Variants in SLCO2A1 observed in about 807,000 individuals in gnomAD.
SLCO2A1 encodes the protein matrin F/G 1.
In SLCO2A1, 60 loss-of-function variants were observed where a neutral mutation model predicts 71.7. That is an observed-to-expected ratio of 0.84 (90% confidence interval 0.68 to 1.04). SLCO2A1 has a LOEUF of 1.04. Ranked by LOEUF, SLCO2A1 falls within the 50% of genes least tolerant of loss-of-function variation. The probability of loss-of-function intolerance (pLI) is 0.00; values close to 1 mark genes in which losing one functional copy is unlikely to be tolerated. For synonymous variants in SLCO2A1, 308 were observed against 326.7 expected (o/e 0.94, Z 0.62); for missense variants, 745 against 813.4 (o/e 0.92, Z 1.02).
chr3:134,015,010 A>C (rs1015045337), intron 1 of SLCO2A1, among the ~76,000 whole-genome samples: 7 of 152,206 alleles, frequency 4.6e-5, no homozygotes, highest in Non-Finnish European at 8.8e-5. Context: ...TACCAAAAGC[A>C]AGCGTTAAAC....
intron 3 of SLCO2A1, among the ~76,000 whole-genome samples, chr3:133,957,814 G>C (rs1176556105): frequency 6.6e-6 from 1 of 152,216 alleles, no homozygotes; most frequent in Non-Finnish European, 1.5e-5. Context: ...TCTTGAGCAA[G>C]TTTCTAAATG....
At chr3:133,936,229 G>A (rs769204578) in intron 12 of SLCO2A1, among the ~76,000 whole-genome samples, 2 of 152,180 alleles carry the variant, frequency 1.3e-5, no homozygotes, top group Non-Finnish European at 2.9e-5. Flanking sequence ...CTGTGTGGCA[G>A]GAGGCTCTCC....
chr3:133,947,488 G>C, intron 8 of SLCO2A1, 43 bp from the exon 9 acceptor site: 1 of 1,541,298 alleles, frequency 6.5e-7, no homozygotes, highest in Non-Finnish European at 8.8e-7. Flanking sequence ...CACAGGCCTG[G>C]GACTGCATGT....
intron 1 of SLCO2A1, among the ~76,000 whole-genome samples, chr3:134,016,301 C>T (rs1329302403): frequency 1.3e-5 from 2 of 151,670 alleles, no homozygotes; most frequent in South Asian, 2.1e-4. Flanking sequence ...GAGACTTGTG[C>T]CTAACATATA....
At chr3:133,944,209 C>T (rs938172217) in intron 10 of SLCO2A1, among the ~76,000 whole-genome samples, 12 of 152,172 alleles carry the variant, frequency 7.9e-5, no homozygotes, top group African/African-American at 2.4e-4. Flanking sequence ...CACCCTCTCC[C>T]GGAGGCCCCT....
Position 134,029,878 on chromosome 3 carries a change from A to C in SLCO2A1, c.-76T>G. ...GGGCTGGAGCGGCCGGGCGGGTGAG[A>C]GGCGACCGCGGCGGCAGTGGCCGGA... On this transcript the variant is annotated 5_prime_UTR_variant, in exon 1 of 14. Coordinates refer to ENST00000310926, the MANE Select transcript of SLCO2A1 (RefSeq NM_005630.3). 1 of 801,616 alleles carries C rather than the reference A, an allele frequency of 1.2e-6. No homozygotes were observed. The highest frequency in any genetic ancestry group is 1.7e-6 in the Non-Finnish European group (1 of 590,848). 49.7% of individuals were successfully genotyped at this position (801,616 alleles called of 1,614,324 possible). A position where few individuals can be genotyped will look rare whatever the true frequency, so the allele number is the denominator to read the frequency against.
intron 11 of SLCO2A1, 108 bp downstream of exon 11, chr3:133,942,497 G>T: frequency 2.6e-6 from 3 of 1,174,406 alleles, no homozygotes; most frequent in East Asian, 2.6e-5. Context: ...GGACTCTGAG[G>T]GCCACAAAAG....
intron 1 of SLCO2A1, among the ~76,000 whole-genome samples, chr3:133,997,901 T>C (rs1935005425): frequency 6.6e-6 from 1 of 152,232 alleles, no homozygotes; most frequent in Non-Finnish European, 1.5e-5. Context: ...GCTTCAGTAT[T>C]CTCACATGTG....
intron 1 of SLCO2A1, among the ~76,000 whole-genome samples, chr3:133,983,748 G>A (rs1934646632): frequency 6.6e-6 from 1 of 152,240 alleles, no homozygotes; most frequent in Non-Finnish European, 1.5e-5. Context: ...CTGTACAGAA[G>A]CATCTGAAGG....
chr3:133,995,542 T>C (rs1934946720), intron 1 of SLCO2A1, among the ~76,000 whole-genome samples: 1 of 152,216 alleles, frequency 6.6e-6, no homozygotes, highest in East Asian at 1.9e-4. Context: ...GAGCTTCTAC[T>C]TATCCATCTT....
At chr3:133,935,977 C>T (rs576867128) in intron 12 of SLCO2A1, 80 bp from the exon 13 acceptor site, 19 of 1,387,982 alleles carry the variant, frequency 1.4e-5, no homozygotes, top group South Asian at 1.8e-5. Flanking sequence ...GCCAAGTCCC[C>T]GACACAGTTC....
intron 1 of SLCO2A1, among the ~76,000 whole-genome samples, chr3:134,007,366 C>T (rs897417990): frequency 1.3e-5 from 2 of 152,168 alleles, no homozygotes; most frequent in African/African-American, 4.8e-5. Context: ...CCTGTACTTT[C>T]AGTATCATAT....
chr3:133,938,548 T>C, intron 11 of SLCO2A1, 55 bp from the exon 12 acceptor site: 2 of 1,557,178 alleles, frequency 1.3e-6, no homozygotes, highest in African/African-American at 1.4e-5. Flanking sequence ...GCACGATCCC[T>C]TGGGTAAGGG....
At position 134,029,707 on chromosome 3, in the gene SLCO2A1, C is replaced by T; in HGVS notation, c.96G>A (p.Lys32=). Reference sequence around the variant, plus strand: ...GGAAGACCCCGCGGACTCCGCTCACCTTAATGTTGCCGAAGACCGAGCGGG... The same window carrying T: ...GGAAGACCCCGCGGACTCCGCTCACTTTAATGTTGCCGAAGACCGAGCGGG... The part of the protein sequence containing the change: ...RCARSVFGNI[K]VFVLCQGLLQ... Residue 32 remains lysine (K), a splice_region_variant and synonymous_variant, in exon 1 of 14, where the codon AAG becomes AAA. Transcript: ENST00000310926. 6.3e-7 allele frequency: 1 copy of T among 1,586,504 alleles called. No homozygotes were observed. Among genetic ancestry groups the T allele is most frequent in the Non-Finnish European group, 8.5e-7 (1 of 1,171,056 alleles).
rs753035332 is a variant in SLCO2A1 at position 133,973,647 on chromosome 3, G to A, written c.397+16C>T. On this transcript the variant is annotated intron_variant, in intron 3 of 13. Coordinates refer to ENST00000310926, the MANE Select transcript of SLCO2A1 (RefSeq NM_005630.3). ...CCATTCCTTACCCCTTGAGGCAGGG[G>A]TTGGAAGCCACTCACCAGTGCTGGC... The A allele has an allele frequency of 1.2e-6, 2 of 1,613,004 alleles. No individual in the cohort carries two copies. The highest frequency in any genetic ancestry group is 1.7e-6 in the Non-Finnish European group (2 of 1,179,852).
At chr3:134,018,633 T>C (rs1257246861) in intron 1 of SLCO2A1, among the ~76,000 whole-genome samples, 1 of 152,154 alleles carries the variant, frequency 6.6e-6, no homozygotes, top group Non-Finnish European at 1.5e-5. Flanking sequence ...TTCCTGAAAT[T>C]TGGCAGCAGT....
intron 9 of SLCO2A1, among the ~76,000 whole-genome samples, chr3:133,946,971 C>T (rs554951657): frequency 3.9e-5 from 6 of 152,034 alleles, no homozygotes; most frequent in East Asian, 3.9e-4. Flanking sequence ...AAAAATTAGC[C>T]GGGTGTGGTG....
intron 1 of SLCO2A1, among the ~76,000 whole-genome samples, chr3:134,003,561 A>G (rs189161789): frequency 4.7e-4 from 71 of 152,254 alleles, no homozygotes; most frequent in South Asian, 2.3e-3. Flanking sequence ...TCCTCTCATC[A>G]GTGACTTCAA....
intron 2 of SLCO2A1, among the ~76,000 whole-genome samples, chr3:133,978,684 C>T (rs1274323364): frequency 6.6e-6 from 1 of 152,110 alleles, no homozygotes. Context: ...GGACCACTGC[C>T]TGCCTCCATC....
Sources: gnomAD v4.1 joint callset for allele counts (sites outside exome capture counted in the v4.1 genomes callset) on GRCh38, gnomAD v4.1.1 for gene constraint, MANE v1.5 for transcripts, NCBI Gene and HGNC (gene_info 2026-07-23, HGNC 2026-07-21) for gene names.